The following SPATA7 variants were observed in gnomAD, a reference collection of about 807,000 sequenced individuals.
SPATA7 encodes the protein spermatogenesis associated 7.
Under a neutral mutation model 51.8 loss-of-function variants are expected in SPATA7, and 43 were observed. The observed-to-expected ratio is 0.83, with a 90% CI of 0.65 to 1.07. The LOEUF (loss-of-function observed/expected upper bound fraction) is 1.07. Among genes scored for constraint, SPATA7 ranks in the 50% least tolerant of loss-of-function variants. The pLI, the probability that SPATA7 is intolerant of heterozygous loss-of-function variation, is 0.00. For missense variants in SPATA7, 683 were observed against 701.3 expected, an observed-to-expected ratio of 0.97 and a Z score of 0.30; for synonymous variants, 230 against 252.8, an observed-to-expected ratio of 0.91 and a Z score of 0.86.
At chr14:88,402,492 G>A (rs1203098681) in intron 4 of SPATA7, among the ~76,000 whole-genome samples, 1 of 152,120 alleles carries the variant, frequency 6.6e-6, no homozygotes, top group African/African-American at 2.4e-5. Flanking sequence ...ATAAATCCAT[G>A]TGTTTATAGT....
chr14:88,392,180 A>G (rs764323775), intron 2 of SPATA7, among the ~76,000 whole-genome samples: 7 of 152,222 alleles, frequency 4.6e-5, no homozygotes, highest in Non-Finnish European at 8.8e-5. Flanking sequence ...TAACATAGCC[A>G]TAATGATAAA....
intron 1 of SPATA7, chr14:88,386,120 A>T: frequency 4.3e-6 from 5 of 1,151,104 alleles, no homozygotes; most frequent in Non-Finnish European, 5.9e-6. Context: ...AAACCTCAGT[A>T]GCTCCCAGGC....
chr14:88,388,947 T>C (rs1413751984), intron 1 of SPATA7, among the ~76,000 whole-genome samples: 1 of 152,170 alleles, frequency 6.6e-6, no homozygotes. Flanking sequence ...AAATAGACTT[T>C]GATAAATTGC....
At chr14:88,428,665 C>T (rs564876483) in intron 7 of SPATA7, 2 of 152,238 alleles carry the variant, frequency 1.3e-5, no homozygotes, top group East Asian at 3.9e-4. Flanking sequence ...CAGATAACTA[C>T]GTAAACATGA....
intron 5 of SPATA7, among the ~76,000 whole-genome samples, chr14:88,419,879 G>A (rs1595251870): frequency 1.3e-5 from 2 of 151,998 alleles, no homozygotes. Flanking sequence ...ACTCAATGTG[G>A]TAGACAAAAT....
chr14:88,398,947 G>A (rs1010382286), intron 4 of SPATA7, among the ~76,000 whole-genome samples: 16 of 151,648 alleles, frequency 1.1e-4, no homozygotes, highest in African/African-American at 3.9e-4. Flanking sequence ...AGCTGCTCGG[G>A]AGGCTGAGGC....
intron 1 of SPATA7, among the ~76,000 whole-genome samples, chr14:88,391,087 T>C (rs2075731513): frequency 6.6e-6 from 1 of 152,226 alleles, no homozygotes; most frequent in Admixed American, 6.5e-5. Flanking sequence ...AGACTTTCTA[T>C]GTGTCCTCCT....
chr14:88,418,685 G>A (rs529251541), intron 5 of SPATA7, among the ~76,000 whole-genome samples: 1 of 152,206 alleles, frequency 6.6e-6, no homozygotes, highest in South Asian at 2.1e-4. Flanking sequence ...TGTTGGCCAG[G>A]TTGGTCTCTA....
At chr14:88,412,422 T>C (rs1424908831) in intron 4 of SPATA7, among the ~76,000 whole-genome samples, 1 of 152,084 alleles carries the variant, frequency 6.6e-6, no homozygotes, top group Non-Finnish European at 1.5e-5. Flanking sequence ...TGGAGTCCGA[T>C]GTTTGAGGGC....
intron 3 of SPATA7, among the ~76,000 whole-genome samples, chr14:88,450,536 A>C (rs546173718): frequency 6.6e-6 from 1 of 152,264 alleles, no homozygotes; most frequent in Non-Finnish European, 1.5e-5. Flanking sequence ...AGAAGACTGT[A>C]TCTTTCCTTC....
At chr14:88,434,530 C>A (rs2077026003) in intron 10 of SPATA7, among the ~76,000 whole-genome samples, 1 of 151,666 alleles carries the variant, frequency 6.6e-6, no homozygotes, top group Admixed American at 6.6e-5. Context: ...ACTAAAAATA[C>A]AAAAATTAGC....
At chr14:88,448,348 G>A (rs1215571978) in intron 3 of SPATA7, among the ~76,000 whole-genome samples, 1 of 152,066 alleles carries the variant, frequency 6.6e-6, no homozygotes, top group African/African-American at 2.4e-5. Flanking sequence ...GCTCCTTTAA[G>A]TACTTCTCTG....
rs112536585 is a variant in SPATA7, at chr14:88,461,492, G to A, written c.255-8355G>A. ...TAGCAGTGAGTGAGTATCTGTGGGC[G>A]TGGGACCCTCCGAGCCAGGTGTGGG... On this transcript the variant is annotated intron_variant, in intron 4 of 4. Transcript: ENST00000556406. 2.6e-3 allele frequency among the ~76,000 whole-genome samples: 390 copies of A among 152,268 alleles called. 3 individuals are homozygous for A. Among genetic ancestry groups the A allele is most frequent in the African/African-American group, 8.5e-3 (354 of 41,564 alleles).
intron 4 of SPATA7, among the ~76,000 whole-genome samples, chr14:88,410,009 A>C (rs1002065096): frequency 6.6e-6 from 1 of 152,176 alleles, no homozygotes; most frequent in Non-Finnish European, 1.5e-5. Flanking sequence ...TTTACTTCCA[A>C]TTATGTGGTC....
intron 4 of SPATA7, chr14:88,415,132 G>A (rs919891637): frequency 1.5e-5 from 3 of 198,550 alleles, no homozygotes; most frequent in Non-Finnish European, 3.3e-5. Context: ...TGCTTTGAGG[G>A]TCTATCTAAC....
intron 3 of SPATA7, among the ~76,000 whole-genome samples, chr14:88,448,521 C>T (rs941129226): frequency 1.3e-5 from 2 of 152,206 alleles, no homozygotes; most frequent in Admixed American, 1.3e-4. Context: ...TGTTCCGTTG[C>T]TGGTGAGGAA....
intron 3 of SPATA7, among the ~76,000 whole-genome samples, chr14:88,453,239 G>C (rs1430409235): frequency 6.6e-6 from 1 of 152,214 alleles, no homozygotes. Flanking sequence ...TTTAGCTTCA[G>C]ATAAGGTTAT....
At chr14:88,455,790 A>T (rs1333842699), downstream of SPATA7, among the ~76,000 whole-genome samples, 1 of 151,914 alleles carries the variant, frequency 6.6e-6, no homozygotes, top group Non-Finnish European at 1.5e-5. Flanking sequence ...GGTTTGTTAC[A>T]TATGTATACA....
Position 88,403,358 on chromosome 14 carries a change from A to T in SPATA7, c.238+7155A>T, listed in dbSNP as rs565675233. ...GAAATGAAATCAGTATGTCAAGGAG[A>T]TATCTGTTCTCCCATGTTTGTTACA... On this transcript the variant is annotated intron_variant, in intron 4 of 11. Transcript: ENST00000393545. Among the ~76,000 whole-genome samples, 3 of 152,352 alleles carry T rather than the reference A, an allele frequency of 2.0e-5. No individual in the cohort carries two copies. The South Asian group carries it at 6.2e-4, about 32-fold the overall frequency.
Sources: gnomAD v4.1 joint callset for allele counts (sites outside exome capture counted in the v4.1 genomes callset) on GRCh38, gnomAD v4.1.1 for gene constraint, MANE v1.5 for transcripts, NCBI Gene and HGNC (gene_info 2026-07-23, HGNC 2026-07-21) for gene names.